LRBA: variants seen among roughly 807,000 people sequenced by gnomAD.
LRBA encodes LPS responsive beige-like anchor protein, also known as lipopolysaccharide-responsive and beige-like anchor protein.
LRBA carries 176 observed loss-of-function variants against 330.0 expected under a neutral mutation model. The observed-to-expected ratio is 0.53, with a 90% confidence interval of 0.47 to 0.60. The LOEUF (loss-of-function observed/expected upper bound fraction) is 0.60. Ranked by LOEUF, LRBA falls within the 20% of genes least tolerant of loss-of-function variation. The probability of loss-of-function intolerance (pLI) is 0.00; values close to 1 mark genes in which losing one functional copy is unlikely to be tolerated. For synonymous variants in LRBA, 1,230 were observed against 1,193.0 expected (o/e 1.03, Z -0.64); for missense variants, 3,259 against 3,444.8 (o/e 0.95, Z 1.35).
chr4:150,722,136 A>G (rs982240452), intron 36 of LRBA, among the ~76,000 whole-genome samples: 1 of 152,216 alleles, frequency 6.6e-6, no homozygotes, highest in Non-Finnish European at 1.5e-5. Flanking sequence ...TGCTGATGTC[A>G]GCAGCAGCCT....
intron 47 of LRBA, among the ~76,000 whole-genome samples, chr4:150,373,211 C>A (rs542810777): frequency 1.4e-5 from 2 of 146,798 alleles, no homozygotes; most frequent in African/African-American, 5.1e-5. Context: ...GACTATGACC[C>A]AGAGCCACCT....
chr4:150,944,045 C>T (rs1735973897), intron 2 of LRBA, among the ~76,000 whole-genome samples: 1 of 152,230 alleles, frequency 6.6e-6, no homozygotes. Flanking sequence ...GAAAGCAAGT[C>T]CTCTAGTCCC....
intron 2 of LRBA, among the ~76,000 whole-genome samples, chr4:150,984,395 G>A (rs746532460): frequency 1.3e-5 from 2 of 152,052 alleles, no homozygotes; most frequent in East Asian, 3.9e-4. Context: ...TGTAATTCCA[G>A]CTACTCTGGA....
chr4:150,803,058 AAAAC>A (rs1170670639), intron 33 of LRBA, among the ~76,000 whole-genome samples: 2 of 125,134 alleles, frequency 1.6e-5, no homozygotes, highest in African/African-American at 6.3e-5. Context: ...AACAAAAACA[AAAAC>A]AAACAAAAAA....
Position 150,987,745 on chromosome 4 carries a change from T to C in LRBA, c.216+26682A>G, listed in dbSNP as rs571758132. On this transcript the variant is annotated intron_variant, in intron 2 of 56. Coordinates refer to ENST00000651943, the MANE Select transcript of LRBA (RefSeq NM_001364905.1). The stretch of plus-strand genomic sequence containing the variant: ...GGCCAGGCGCGGTGGCTCACACCTG[T>C]AATCCCAGCACTGTGAGAGGCCGAG... Among the ~76,000 whole-genome samples, 5 of 150,810 alleles carry C rather than the reference T, an allele frequency of 3.3e-5. No homozygotes were observed. In the South Asian group the frequency reaches 8.4e-4, roughly 25 times the overall value.
In LRBA at chr4:150,582,860, C is replaced by T. The variant is rs115316565; in HGVS notation, c.6330+5188G>A. On this transcript the variant is annotated intron_variant, in intron 40 of 56. Transcript: ENST00000651943. Reference sequence around the variant, plus strand: ...AAAGAGGGAAAAGGAAAAAACAAGCCGGCTACGGTATCAGCCGGTCAGCCC... The same window carrying T: ...AAAGAGGGAAAAGGAAAAAACAAGCTGGCTACGGTATCAGCCGGTCAGCCC... 1,312 of 636,366 alleles carry T rather than the reference C, an allele frequency of 2.1e-3. 18 individuals are homozygous for T. The African/African-American group carries it at 0.021, about 10-fold the overall frequency. 39.4% of individuals were successfully genotyped at this position (636,366 alleles called of 1,614,324 possible). A position where few individuals can be genotyped will look rare whatever the true frequency, so the allele number is the denominator to read the frequency against.
In LRBA at chr4:150,809,877, TACG is replaced by T. The variant is rs1229644013; in HGVS notation, c.5306-1482_5306-1480del. Among the ~76,000 whole-genome samples, 77 of 139,476 alleles carry T rather than the reference TACG, an allele frequency of 5.5e-4. 1 individual carries two copies. The highest frequency in any genetic ancestry group is 6.9e-3 in the Middle Eastern group (2 of 288). 91.5% of individuals were successfully genotyped at this position (139,476 alleles called of 152,430 possible). A position where few individuals can be genotyped will look rare whatever the true frequency, so the allele number is the denominator to read the frequency against. On this transcript the variant is annotated intron_variant, in intron 31 of 56. Transcript: ENST00000651943. Reference sequence around the variant, plus strand: ...TACGATACGATACGATACGATACGATACGATACGATACGATACGATACGATACG... The same window carrying T: ...TACGATACGATACGATACGATACGATATACGATACGATACGATACGATACG...
At chr4:150,988,375 T>C (rs1359577690) in intron 2 of LRBA, among the ~76,000 whole-genome samples, 1 of 152,176 alleles carries the variant, frequency 6.6e-6, no homozygotes, top group African/African-American at 2.4e-5. Flanking sequence ...CCCAAAGTTT[T>C]GTAACCTTAA....
chr4:150,377,108 C>A (rs1394908926), intron 47 of LRBA, among the ~76,000 whole-genome samples: 2 of 143,340 alleles, frequency 1.4e-5, no homozygotes, highest in Non-Finnish European at 3.0e-5. Flanking sequence ...GCCTGAGCAA[C>A]ATGGCAAGAT....
At position 150,321,271 on chromosome 4, in the gene LRBA, T is replaced by C. The variant is rs1178316208; in HGVS notation, c.7550A>G (p.Gln2517Arg). 6.2e-7 allele frequency: 1 copy of C among 1,612,670 alleles called. No homozygotes were observed. The highest frequency in any genetic ancestry group is 1.3e-5 in the African/African-American group (1 of 74,838). ...CACAGCGGGAGTTGCCAAACCAGGC[T>C]GGGTGTTGGCTGCCACGTGAGTAAC... Reference protein sequence around the residue: ...SPVTHVAANTQPGLATPAVIT... With the variant: ...SPVTHVAANTRPGLATPAVIT... The change falls in exon 50 of 57, where the codon CAG becomes CGG. Residue 2517 changes from glutamine (Q) to arginine (R), a missense_variant. Coordinates refer to ENST00000651943, the MANE Select transcript of LRBA (RefSeq NM_001364905.1). This position sits in a 1 kb window ranked among gnomAD's most constrained non-coding sequence, Gnocchi z 4.5.
chr4:150,794,752 T>C (rs953012130), intron 34 of LRBA, among the ~76,000 whole-genome samples: 1 of 152,162 alleles, frequency 6.6e-6, no homozygotes, highest in African/African-American at 2.4e-5. Context: ...GCTAATTAAT[T>C]ACTCAGACAG....
intron 56 of LRBA, among the ~76,000 whole-genome samples, chr4:150,272,172 A>C (rs989940965): frequency 2.0e-5 from 3 of 152,166 alleles, no homozygotes; most frequent in African/African-American, 7.2e-5. Flanking sequence ...CACTGGTGAT[A>C]CCCAGGTAAA....
intron 47 of LRBA, among the ~76,000 whole-genome samples, chr4:150,373,166 TGTGTGTGAGAGA>T (rs1327001924): frequency 1.1e-4 from 13 of 122,350 alleles, no homozygotes; most frequent in Admixed American, 1.7e-4. Context: ...TGTGTGTGTG[TGTGTGTGAGAGA>T]GAGAGAGAGA....
Position 150,852,769 on chromosome 4 carries a change from C to G in LRBA, c.2941G>C (p.Val981Leu). 1 of 1,613,988 alleles carries G rather than the reference C, an allele frequency of 6.2e-7. No individual in the cohort carries two copies. Among genetic ancestry groups the G allele is most frequent in the Non-Finnish European group, 8.5e-7 (1 of 1,179,920 alleles). ...SQQPDTKDSP[V>L]CPHFTTNGNE... ...CCATTTGTGGTGAAATGAGGACAGA[C>G]AGGAGAATCCTTCGTATCTGGTTGC... Residue 981 changes from valine to leucine, a missense_variant, in exon 23 of 57, where the codon GTC (valine) becomes CTC (leucine). Coordinates refer to ENST00000651943, the MANE Select transcript of LRBA (RefSeq NM_001364905.1).
At chr4:150,697,351 A>AAAAAAAAAAAAAAC in intron 36 of LRBA, among the ~76,000 whole-genome samples, 1 of 148,086 alleles carries the variant, frequency 6.8e-6, no homozygotes, top group Non-Finnish European at 1.5e-5. Context: ...AAAAAAAAAA[A>AAAAAAAAAAAAAAC]CAGGGAGAGT....
intron 42 of LRBA, among the ~76,000 whole-genome samples, chr4:150,472,670 A>G (rs1756277277): frequency 6.6e-6 from 1 of 152,074 alleles, no homozygotes; most frequent in Non-Finnish European, 1.5e-5. Context: ...CCTACAGGCA[A>G]CTAGCAATCT....
chr4:150,306,441 C>T (rs986010451), intron 52 of LRBA, among the ~76,000 whole-genome samples: 1 of 152,034 alleles, frequency 6.6e-6, no homozygotes, highest in African/African-American at 2.4e-5. Flanking sequence ...CACATATTTA[C>T]CTTAACTGAA....
chr4:150,521,573 G>A (rs1312818345), intron 40 of LRBA, among the ~76,000 whole-genome samples: 1 of 152,042 alleles, frequency 6.6e-6, no homozygotes, highest in Admixed American at 6.5e-5. Flanking sequence ...CATTATGACT[G>A]TTAAATACTT....
At chr4:150,366,994 C>T (rs1157239305) in intron 47 of LRBA, among the ~76,000 whole-genome samples, 1 of 152,250 alleles carries the variant, frequency 6.6e-6, no homozygotes, top group South Asian at 2.1e-4. Context: ...CAAAGTAGAA[C>T]TAATTTACTT....
Sources: allele counts gnomAD v4.1 joint callset (sites outside exome capture counted in the v4.1 genomes callset), GRCh38; gene constraint gnomAD v4.1.1; non-coding constraint Gnocchi (gnomAD v3.1); transcripts MANE v1.5; gene names NCBI Gene and HGNC (gene_info 2026-07-23, HGNC 2026-07-21).